The following FSHR variants were observed in gnomAD, a reference collection of about 807,000 sequenced individuals.
The protein encoded by FSHR is follicle-stimulating hormone receptor.
Under a neutral mutation model 52.1 loss-of-function variants are expected in FSHR, and 46 were observed. The observed-to-expected ratio is 0.88, with a 90% CI of 0.70 to 1.13. FSHR has a LOEUF of 1.13. Ranked by LOEUF, FSHR falls within the 50% of genes most tolerant of loss-of-function variation. The pLI, the probability that FSHR is intolerant of heterozygous loss-of-function variation, is 0.00. For synonymous variants in FSHR, 399 were observed against 309.6 expected, an observed-to-expected ratio of 1.29 and a Z score of -3.03; for missense variants, 964 against 834.6, an observed-to-expected ratio of 1.16 and a Z score of -1.91.
chr2:49,074,726 T>C (rs916120380), intron 1 of FSHR, among the ~76,000 whole-genome samples: 1 of 152,160 alleles, frequency 6.6e-6, no homozygotes, highest in Non-Finnish European at 1.5e-5. Context: ...TACACTTCCA[T>C]GTTTTTATTG....
Position 49,005,216 on chromosome 2 carries a change from C to A in FSHR, c.374+12273G>T, listed in dbSNP as rs145604163. On this transcript the variant is annotated intron_variant, in intron 4 of 9. Coordinates refer to ENST00000406846, the MANE Select transcript of FSHR (RefSeq NM_000145.4). ...GAGAACAGGGAGGAAAGGTAAGCAG[C>A]ATGAAAATGTCACCACCTTTACAAT... is the stretch of plus-strand genomic sequence containing the variant. Among the ~76,000 whole-genome samples the A allele has an allele frequency of 9.8e-3, 1,490 of 152,130 alleles. 18 individuals are homozygous for A. The highest frequency in any genetic ancestry group is 0.037 in the Middle Eastern group (11 of 294).
At chr2:48,981,285 C>A (rs1158161593) in intron 8 of FSHR, among the ~76,000 whole-genome samples, 2 of 152,110 alleles carry the variant, frequency 1.3e-5, no homozygotes, top group Non-Finnish European at 2.9e-5. Flanking sequence ...CTATTCCCAC[C>A]CCCAATGAGA....
chr2:49,126,429 G>T (rs902663766), intron 1 of FSHR, among the ~76,000 whole-genome samples: 6 of 152,138 alleles, frequency 3.9e-5, no homozygotes. Context: ...ATTTATGAGG[G>T]TTCTCTGCCC....
At chr2:49,123,334 A>G (rs993649041) in intron 1 of FSHR, among the ~76,000 whole-genome samples, 1 of 152,052 alleles carries the variant, frequency 6.6e-6, no homozygotes, top group African/African-American at 2.4e-5. Context: ...AAGAAATGCA[A>G]TAATTAGCCA....
intron 1 of FSHR, among the ~76,000 whole-genome samples, chr2:49,070,613 A>T (rs1375196912): frequency 6.6e-6 from 1 of 152,080 alleles, no homozygotes; most frequent in South Asian, 2.1e-4. Flanking sequence ...TGAATAACGA[A>T]CTCTTCTATT....
chr2:49,153,021 C>T (rs1175175602), intron 1 of FSHR, among the ~76,000 whole-genome samples: 1 of 152,212 alleles, frequency 6.6e-6, no homozygotes, highest in South Asian at 2.1e-4. Flanking sequence ...AAACACAGAG[C>T]TGGCCAGTTA....
chr2:49,089,825 G>A (rs1670535344), intron 1 of FSHR, among the ~76,000 whole-genome samples: 1 of 152,150 alleles, frequency 6.6e-6, no homozygotes, highest in Admixed American at 6.5e-5. Context: ...AAATGATAGT[G>A]GAGAGCTGAG....
At chr2:48,986,721 C>T (rs999832961) in intron 6 of FSHR, among the ~76,000 whole-genome samples, 2 of 152,174 alleles carry the variant, frequency 1.3e-5, no homozygotes, top group African/African-American at 4.8e-5. Flanking sequence ...CTATATGTTT[C>T]CCTTGTAGCT....
intron 1 of FSHR, among the ~76,000 whole-genome samples, chr2:49,094,007 C>A (rs897397502): frequency 6.6e-6 from 1 of 152,110 alleles, no homozygotes; most frequent in Non-Finnish European, 1.5e-5. Context: ...TTATTAATAT[C>A]TTTAGATTTA....
rs766454496 is a variant in FSHR at position 48,988,959 on chromosome 2, T to A, written c.524+18A>T. 1.5e-5 allele frequency: 24 copies of A among 1,604,722 alleles called. No homozygotes were observed. The highest frequency in any genetic ancestry group is 1.9e-5 in the Non-Finnish European group (22 of 1,171,534). ...AAAATCAAATGTTACTCTGTTGGAT[T>A]TTTTCCCCCTTACTTACAGAATCAC... On this transcript the variant is annotated intron_variant, in intron 6 of 9. Coordinates refer to ENST00000406846, the MANE Select transcript of FSHR (RefSeq NM_000145.4).
intron 8 of FSHR, among the ~76,000 whole-genome samples, chr2:48,974,524 C>G (rs1255670652): frequency 6.6e-6 from 1 of 152,134 alleles, no homozygotes; most frequent in Non-Finnish European, 1.5e-5. Flanking sequence ...GGAGGGAGCT[C>G]TTGGTAAGAA....
At chr2:49,060,680 T>C (rs1374973130) in intron 2 of FSHR, among the ~76,000 whole-genome samples, 6 of 152,184 alleles carry the variant, frequency 3.9e-5, no homozygotes, top group African/African-American at 9.7e-5. Context: ...AAGAGAGAAG[T>C]GGCTGAACTG....
intron 4 of FSHR, among the ~76,000 whole-genome samples, chr2:49,012,001 T>C (rs1182299900): frequency 1.3e-5 from 2 of 152,104 alleles, no homozygotes; most frequent in African/African-American, 4.8e-5. Flanking sequence ...CTCCTGGAAT[T>C]GTTCCCACCT....
rs112237184 is a variant in FSHR, at chr2:48,976,200, T to G, written c.668+6712A>C. Among the ~76,000 whole-genome samples, 747 of 152,308 alleles carry G rather than the reference T, an allele frequency of 4.9e-3. 8 individuals are homozygous for G. Among genetic ancestry groups the G allele is most frequent in the African/African-American group, 0.017 (720 of 41,568 alleles). On this transcript the variant is annotated intron_variant, in intron 8 of 9. Coordinates refer to ENST00000406846, the MANE Select transcript of FSHR (RefSeq NM_000145.4). Reference sequence around the variant, plus strand: ...ATTGAGACTTTTTAGCATGAAGTGGTGTTGAATTTTGTCGAAGGCATTTTC... The same window carrying G: ...ATTGAGACTTTTTAGCATGAAGTGGGGTTGAATTTTGTCGAAGGCATTTTC...
In FSHR at chr2:49,143,956, A is replaced by C. The variant is rs747918875; in HGVS notation, c.152+10310T>G. Among the ~76,000 whole-genome samples the C allele has an allele frequency of 1.3e-3, 194 of 152,138 alleles. 1 individual carries two copies. Among genetic ancestry groups the C allele is most frequent in the Admixed American group, 3.4e-3 (52 of 15,254 alleles). On this transcript the variant is annotated intron_variant, in intron 1 of 9. Transcript: ENST00000406846. ...AAGAGGATTGGTGGAAAGTATATTTAAAAGGCAGCCAGACTTTCCCCTCAG... is the reference window on the plus strand; with the variant it reads ...AAGAGGATTGGTGGAAAGTATATTTCAAAGGCAGCCAGACTTTCCCCTCAG...
At chr2:49,124,428 T>C (rs1236254899) in intron 1 of FSHR, among the ~76,000 whole-genome samples, 1 of 152,202 alleles carries the variant, frequency 6.6e-6, no homozygotes, top group Non-Finnish European at 1.5e-5. Context: ...ATCTTTAGGC[T>C]ATAGAATTAT....
chr2:49,010,411 G>T (rs1414165270), intron 4 of FSHR, among the ~76,000 whole-genome samples: 1 of 152,052 alleles, frequency 6.6e-6, no homozygotes, highest in Non-Finnish European at 1.5e-5. Context: ...TTTTTGATGT[G>T]TTGCTGGATT....
rs757126047 is a variant in FSHR, at chr2:49,059,893, A to G, written c.224+8326T>C. Reference sequence around the variant, plus strand: ...ATCAAACCAAAAAGCTGCAGAGCCAATGAAACAATCAATATAGTGAAAAGA... The same window carrying G: ...ATCAAACCAAAAAGCTGCAGAGCCAGTGAAACAATCAATATAGTGAAAAGA... On this transcript the variant is annotated intron_variant, in intron 2 of 9. Coordinates refer to ENST00000406846, the MANE Select transcript of FSHR (RefSeq NM_000145.4). Among the ~76,000 whole-genome samples, 29 of 152,204 alleles carry G rather than the reference A, an allele frequency of 1.9e-4. 1 individual carries two copies. The highest frequency in any genetic ancestry group is 2.6e-4 in the Admixed American group (4 of 15,272).
chr2:49,096,473 A>T (rs1670825776), intron 1 of FSHR, among the ~76,000 whole-genome samples: 1 of 152,236 alleles, frequency 6.6e-6, no homozygotes, highest in African/African-American at 2.4e-5. Context: ...ATAGGCATTG[A>T]TTGCCAACGA....
Sources: allele counts gnomAD v4.1 joint callset (sites outside exome capture counted in the v4.1 genomes callset), GRCh38; gene constraint gnomAD v4.1.1; transcripts MANE v1.5; gene names NCBI Gene and HGNC (gene_info 2026-07-23, HGNC 2026-07-21).